The following SCRN3 variants were observed in gnomAD, a reference collection of about 807,000 sequenced individuals.
The protein encoded by SCRN3 is secernin-3.
Under a neutral mutation model 43.1 loss-of-function variants are expected in SCRN3, and 39 were observed. The observed-to-expected ratio is 0.91, with a 90% CI of 0.70 to 1.18. The LOEUF is 1.18. Among genes scored for constraint, SCRN3 ranks in the 50% most tolerant of loss-of-function variants. The pLI, the probability that SCRN3 is intolerant of heterozygous loss-of-function variation, is 0.00. For synonymous variants in SCRN3, 147 were observed against 163.1 expected (o/e 0.90, Z 0.75); for missense variants, 484 against 498.0 (o/e 0.97, Z 0.27).
At chr2:174,399,801 T>C (rs1486660230) in intron 2 of SCRN3, 121 bp from the exon 3 acceptor site, 1 of 600,394 alleles carries the variant, frequency 1.7e-6, no homozygotes, top group African/African-American at 1.9e-5. Flanking sequence ...AATTTACTTA[T>C]ATTTCCTTTA....
intron 7 of SCRN3, among the ~76,000 whole-genome samples, chr2:174,426,263 CT>C (rs1686477569): frequency 6.6e-6 from 1 of 152,104 alleles, no homozygotes; most frequent in Non-Finnish European, 1.5e-5. Context: ...CTGGAATTTA[CT>C]TTTGTGTATT....
intron 5 of SCRN3, among the ~76,000 whole-genome samples, chr2:174,416,721 T>G (rs1225852193): frequency 1.3e-5 from 2 of 152,208 alleles, no homozygotes; most frequent in African/African-American, 4.8e-5. Flanking sequence ...ATAAAGCTGA[T>G]GCTGTTGGAT....
intron 1 of SCRN3, chr2:174,397,524 T>G (rs551991509): frequency 1.2e-5 from 4 of 346,480 alleles, no homozygotes; most frequent in African/African-American, 6.7e-5. Context: ...AATGAGTCTG[T>G]TTCAAAATTT....
intron 5 of SCRN3, among the ~76,000 whole-genome samples, chr2:174,411,923 A>G (rs1015996928): frequency 6.6e-6 from 1 of 152,182 alleles, no homozygotes; most frequent in Non-Finnish European, 1.5e-5. Context: ...TCTGTCTCAA[A>G]AAAAATTTTT....
At chr2:174,398,773 A>G (rs1685411302) in intron 2 of SCRN3, among the ~76,000 whole-genome samples, 1 of 152,212 alleles carries the variant, frequency 6.6e-6, no homozygotes, top group Non-Finnish European at 1.5e-5. Context: ...TGTATGCATT[A>G]TACCCCATTA....
intron 5 of SCRN3, among the ~76,000 whole-genome samples, chr2:174,408,427 G>T (rs1183852054): frequency 4.2e-5 from 6 of 142,874 alleles, no homozygotes; most frequent in African/African-American, 1.5e-4. Context: ...GCCAGTCTGT[G>T]TCTTTTAATT....
At chr2:174,427,196 A>C (rs1686516790) in intron 7 of SCRN3, among the ~76,000 whole-genome samples, 1 of 152,182 alleles carries the variant, frequency 6.6e-6, no homozygotes, top group African/African-American at 2.4e-5. Flanking sequence ...ATTCATCAAC[A>C]ATTTAAAAAT....
rs558741648 is a variant in SCRN3 at position 174,408,474 on chromosome 2, G to A, written c.754+4159G>A. 1.5e-4 allele frequency among the ~76,000 whole-genome samples: 22 copies of A among 148,262 alleles called. No homozygotes were observed. The South Asian group carries it at 3.6e-3, about 25-fold the overall frequency. On this transcript the variant is annotated intron_variant, in intron 5 of 7. Coordinates refer to ENST00000272732, the MANE Select transcript of SCRN3 (RefSeq NM_024583.5). Reference sequence around the variant, plus strand: ...TCCATTTATATTTAAAGTTAATATTGTTATGTGTGAATTTGATCCTGTCAT... The same window carrying A: ...TCCATTTATATTTAAAGTTAATATTATTATGTGTGAATTTGATCCTGTCAT...
At chr2:174,405,743 G>C (rs1179186381) in intron 5 of SCRN3, among the ~76,000 whole-genome samples, 1 of 150,682 alleles carries the variant, frequency 6.6e-6, no homozygotes, top group African/African-American at 2.4e-5. Context: ...GTTTTTCTCA[G>C]GTTTGTCAAA....
At chr2:174,399,203 A>G (rs547155073) in intron 2 of SCRN3, among the ~76,000 whole-genome samples, 1 of 152,342 alleles carries the variant, frequency 6.6e-6, no homozygotes, top group African/African-American at 2.4e-5. Context: ...CATATTAAAT[A>G]TTAGACTTTT....
chr2:174,396,027 T>C, intron 1 of SCRN3: 10 of 1,316,618 alleles, frequency 7.6e-6, no homozygotes, highest in Non-Finnish European at 9.7e-6. Context: ...CTGTGGACTC[T>C]GACTCGAGCT....
chr2:174,403,515 G>T (rs1240586050), intron 4 of SCRN3, among the ~76,000 whole-genome samples: 2 of 147,624 alleles, frequency 1.4e-5, no homozygotes, highest in Non-Finnish European at 3.1e-5. Flanking sequence ...TCATACCATG[G>T]AATATTACTC....
chr2:174,398,258 A>T lies in SCRN3; in HGVS notation c.-9-17A>T, dbSNP rs1247949159. ...AAAAGTGTTCTTTTTATTTTAAAAC[A>T]TCTGTATAATTTTTAGTTAAAAAAA... On this transcript the variant is annotated splice_polypyrimidine_tract_variant and intron_variant, in intron 1 of 7. Transcript: ENST00000272732. The T allele has an allele frequency of 6.7e-7, 1 of 1,489,106 alleles. No homozygotes were observed. The highest frequency in any genetic ancestry group is 2.3e-5 in the Admixed American group (1 of 43,370). The allele number at this position is 1,489,106 out of a possible 1,614,324, so 92.2% of individuals were successfully genotyped here.
In SCRN3 at chr2:174,429,067, T is replaced by C. The variant is rs1298501255; in HGVS notation, c.*1172T>C. 1 of 152,230 alleles carries C rather than the reference T, an allele frequency of 6.6e-6. No homozygotes were observed. The highest frequency in any genetic ancestry group is 3.2e-3 in the Middle Eastern group (1 of 316). 9.4% of individuals were successfully genotyped at this position (152,230 alleles called of 1,614,324 possible). A position where few individuals can be genotyped will look rare whatever the true frequency, so the allele number is the denominator to read the frequency against. On this transcript the variant is annotated 3_prime_UTR_variant, in exon 8 of 8. Coordinates refer to ENST00000272732, the MANE Select transcript of SCRN3 (RefSeq NM_024583.5). ...ATAAATACCATCGTCTGCCTGATAC[T>C]GCTCTTGTCTAATAGAGGGTTGACA... is the stretch of plus-strand genomic sequence containing the variant.
At chr2:174,419,083 A>G (rs919201157) in intron 5 of SCRN3, among the ~76,000 whole-genome samples, 2 of 152,194 alleles carry the variant, frequency 1.3e-5, no homozygotes, top group Non-Finnish European at 2.9e-5. Flanking sequence ...AATTTGAAAT[A>G]TTGTGAATTA....
Position 174,427,823 on chromosome 2 carries a change from T to C in SCRN3, c.1203T>C (p.Asn401=), listed in dbSNP as rs1020106176. ...ATCTTGATGTGGAGAAAATTGTTAA[T>C]CTCTTTCCTCAGTGTACAAAAGATG... is the stretch of plus-strand genomic sequence containing the variant. ...NKHLDVEKIV[N]LFPQCTKDEI... Residue 401 remains asparagine (N), a synonymous_variant, in exon 8 of 8, where the codon AAT becomes AAC. Transcript: ENST00000272732. The C allele has an allele frequency of 1.2e-6, 2 of 1,608,470 alleles. No individual in the cohort carries two copies. The highest frequency in any genetic ancestry group is 2.7e-5 in the African/African-American group (2 of 74,858).
At chr2:174,400,252 C>A in intron 3 of SCRN3, 149 bp downstream of exon 3, 2 of 550,568 alleles carry the variant, frequency 3.6e-6, no homozygotes, top group Admixed American at 4.1e-5. Flanking sequence ...CATGCAATTT[C>A]ATGACTCTCA....
In SCRN3 at chr2:174,419,483, A is replaced by T. The variant is rs368026225; in HGVS notation, c.755-3402A>T. Among the ~76,000 whole-genome samples the T allele has an allele frequency of 3.3e-5, 5 of 152,164 alleles. No individual in the cohort carries two copies. In the East Asian group the frequency reaches 7.7e-4, roughly 23 times the overall value. ...TAACCTCAATCTCCTGGGCTTAAACAATCCTCCTGCCTCAGCCTCCTGAGA... is the reference window on the plus strand; with the variant it reads ...TAACCTCAATCTCCTGGGCTTAAACTATCCTCCTGCCTCAGCCTCCTGAGA... On this transcript the variant is annotated intron_variant, in intron 5 of 7. Coordinates refer to ENST00000272732, the MANE Select transcript of SCRN3 (RefSeq NM_024583.5).
intron 5 of SCRN3, among the ~76,000 whole-genome samples, chr2:174,409,695 C>T (rs1202091314): frequency 2.1e-5 from 3 of 139,596 alleles, no homozygotes; most frequent in Admixed American, 1.4e-4. Context: ...CCCTCAGCTG[C>T]AGGTCTGTTG....
Sources: allele counts gnomAD v4.1 joint callset (sites outside exome capture counted in the v4.1 genomes callset), GRCh38; gene constraint gnomAD v4.1.1; transcripts MANE v1.5; gene names NCBI Gene and HGNC (gene_info 2026-07-23, HGNC 2026-07-21).